DAB1: variants seen among roughly 807,000 people sequenced by gnomAD.
DAB1 encodes the protein DAB adaptor protein 1.
DAB1 carries 15 observed loss-of-function variants against 64.6 expected under a neutral mutation model. The ratio of observed to expected loss-of-function variants is 0.23; its 90% CI spans 0.16 to 0.36. The LOEUF (loss-of-function observed/expected upper bound fraction) is 0.36, where lower values mean the gene tolerates loss of function less well. DAB1 is among the 10% of genes least tolerant of loss of function. The pLI is 1.00. For synonymous variants in DAB1, 235 were observed against 251.9 expected (o/e 0.93, Z 0.64); for missense variants, 596 against 706.7 (o/e 0.84, Z 1.78).
chr1:58,216,567 A>G (rs1413347918), intron 4 of DAB1, among the ~76,000 whole-genome samples: 3 of 152,154 alleles, frequency 2.0e-5, no homozygotes, highest in Non-Finnish European at 2.9e-5. Flanking sequence ...GTTGGGTCAA[A>G]TGGTATTTTT....
At chr1:57,834,468 C>A (rs1428091627) in intron 1 of DAB1, among the ~76,000 whole-genome samples, 3 of 151,952 alleles carry the variant, frequency 2.0e-5, no homozygotes, top group South Asian at 2.1e-4. Flanking sequence ...TAGTACCTAC[C>A]ATGTACCAGG....
At chr1:58,119,490 C>T (rs1379679202) in intron 5 of DAB1, among the ~76,000 whole-genome samples, 2 of 152,128 alleles carry the variant, frequency 1.3e-5, no homozygotes, top group Non-Finnish European at 2.9e-5. Context: ...CTGAATCATT[C>T]TAAATTTCGG....
At chr1:57,190,034 C>G (rs1011525815) in intron 2 of DAB1, among the ~76,000 whole-genome samples, 41 of 152,216 alleles carry the variant, frequency 2.7e-4, no homozygotes, top group African/African-American at 9.2e-4. Flanking sequence ...TATCTGGGAA[C>G]AAGAGCAGGG....
intron 5 of DAB1, among the ~76,000 whole-genome samples, chr1:57,896,472 T>A (rs898636945): frequency 6.6e-6 from 1 of 151,914 alleles, no homozygotes; most frequent in Non-Finnish European, 1.5e-5. Context: ...AAATATTTTA[T>A]AGGAAATATG....
At chr1:57,337,561 G>GTT (rs34759218) in intron 1 of DAB1, among the ~76,000 whole-genome samples, 1 of 151,930 alleles carries the variant, frequency 6.6e-6, no homozygotes, top group South Asian at 2.1e-4. Flanking sequence ...TCTCTCCTAT[G>GTT]TTTTTTTTCC....
chr1:57,729,182 T>G (rs1647304951), intron 6 of DAB1, among the ~76,000 whole-genome samples: 1 of 152,252 alleles, frequency 6.6e-6, no homozygotes, highest in Non-Finnish European at 1.5e-5. Context: ...TTAAGGAAGT[T>G]TGGTCCTGCC....
rs530076158 is a variant in DAB1 at position 57,837,466 on chromosome 1, C to T, written n.88-11011G>A. Reference sequence around the variant, plus strand: ...GCTCCAAATCATATCTGACCTCATACATATGCAGAATGGGTGGATGACTAG... The same window carrying T: ...GCTCCAAATCATATCTGACCTCATATATATGCAGAATGGGTGGATGACTAG... On this transcript the variant is annotated intron_variant and non_coding_transcript_variant, in intron 1 of 1. Coordinates refer to the DAB1 transcript ENST00000477280. Among the ~76,000 whole-genome samples the T allele has an allele frequency of 5.9e-5, 9 of 152,186 alleles. No homozygotes were observed. In the South Asian group the frequency reaches 1.7e-3, roughly 28 times the overall value.
chr1:58,474,689 A>G (rs1645401955), intron 3 of DAB1, among the ~76,000 whole-genome samples: 1 of 152,182 alleles, frequency 6.6e-6, no homozygotes, highest in Non-Finnish European at 1.5e-5. Context: ...GGAGCAGGAG[A>G]AATGCTCTAG....
At chr1:58,057,445 G>A (rs1260206580) in intron 5 of DAB1, among the ~76,000 whole-genome samples, 1 of 151,970 alleles carries the variant, frequency 6.6e-6, no homozygotes, top group Non-Finnish European at 1.5e-5. Context: ...AGACCAATAG[G>A]GTCTAGACCA....
At chr1:58,351,426 T>C (rs1198943729) in intron 3 of DAB1, among the ~76,000 whole-genome samples, 1 of 152,134 alleles carries the variant, frequency 6.6e-6, no homozygotes, top group Non-Finnish European at 1.5e-5. Flanking sequence ...CTGATAGATT[T>C]TGACCATAAG....
At chr1:57,292,835 CAT>C (rs1481648544) in intron 1 of DAB1, among the ~76,000 whole-genome samples, 1 of 152,028 alleles carries the variant, frequency 6.6e-6, no homozygotes, top group African/African-American at 2.4e-5. Context: ...GCAACACACA[CAT>C]GTGAGCAAAA....
At chr1:57,891,993 T>TAAAAC (rs1644322452) in intron 5 of DAB1, among the ~76,000 whole-genome samples, 2 of 152,282 alleles carry the variant, frequency 1.3e-5, no homozygotes, top group South Asian at 2.1e-4. Context: ...TAAAATATAA[T>TAAAAC]AAAACAAAAC....
At chr1:57,500,106 A>G (rs189541075) in intron 7 of DAB1, among the ~76,000 whole-genome samples, 265 of 152,386 alleles carry the variant, frequency 1.7e-3, no homozygotes, top group Non-Finnish European at 2.6e-3. Context: ...GCTTCGCAAA[A>G]TAGAACAGAG....
intron 6 of DAB1, among the ~76,000 whole-genome samples, chr1:57,770,110 T>A (rs1649491889): frequency 1.3e-5 from 2 of 152,160 alleles, no homozygotes; most frequent in African/African-American, 4.8e-5. Flanking sequence ...TGAATTGAGA[T>A]CAAGAAAAGC....
At chr1:57,140,845 G>A (rs1020335471) in intron 3 of DAB1, among the ~76,000 whole-genome samples, 3 of 152,176 alleles carry the variant, frequency 2.0e-5, no homozygotes, top group Admixed American at 6.5e-5. Context: ...GATGGAGGAC[G>A]TTACATATAG....
chr1:58,401,815 C>T (rs1644570498), intron 3 of DAB1, among the ~76,000 whole-genome samples: 1 of 152,198 alleles, frequency 6.6e-6, no homozygotes, highest in Non-Finnish European at 1.5e-5. Flanking sequence ...TAACTGATGT[C>T]TTTTTAAAAT....
At chr1:57,476,446 C>T (rs1328543317) in intron 7 of DAB1, among the ~76,000 whole-genome samples, 1 of 152,030 alleles carries the variant, frequency 6.6e-6, no homozygotes, top group Non-Finnish European at 1.5e-5. Flanking sequence ...ACCCCTTCTA[C>T]TAAAATTTAT....
At chr1:57,207,846 G>T (rs1179694959) in intron 2 of DAB1, among the ~76,000 whole-genome samples, 1 of 152,112 alleles carries the variant, frequency 6.6e-6, no homozygotes, top group Non-Finnish European at 1.5e-5. Flanking sequence ...ATCTTAAAGG[G>T]CTTGATTTTT....
intron 7 of DAB1, among the ~76,000 whole-genome samples, chr1:57,572,489 T>A (rs1645204152): frequency 6.6e-6 from 1 of 152,196 alleles, no homozygotes; most frequent in Non-Finnish European, 1.5e-5. Context: ...CTATACCATA[T>A]CAGGCAAGTT....
Sources: allele counts gnomAD v4.1 joint callset (sites outside exome capture counted in the v4.1 genomes callset), GRCh38; gene constraint gnomAD v4.1.1; transcripts MANE v1.5; gene names NCBI Gene and HGNC (gene_info 2026-07-23, HGNC 2026-07-21).